The following BMPER variants were observed in gnomAD, a reference collection of about 807,000 sequenced individuals.
BMPER encodes BMP binding endothelial regulator.
Under a neutral mutation model 87.3 loss-of-function variants are expected in BMPER, and 45 were observed. The ratio of observed to expected loss-of-function variants is 0.52; its 90% CI spans 0.41 to 0.66. The LOEUF (loss-of-function observed/expected upper bound fraction) is 0.66. Among genes scored for constraint, BMPER ranks in the 30% least tolerant of loss-of-function variants. The pLI is 0.00. For synonymous variants in BMPER, 326 were observed against 316.2 expected, an observed-to-expected ratio of 1.03 and a Z score of -0.33; for missense variants, 784 against 867.5, an observed-to-expected ratio of 0.90 and a Z score of 1.21.
chr7:34,047,946 A>C (rs566254060), intron 7 of BMPER, among the ~76,000 whole-genome samples: 106 of 151,650 alleles, frequency 7.0e-4, no homozygotes, highest in Non-Finnish European at 3.2e-4. Flanking sequence ...AATAAGAGTG[A>C]TTATTTTACA....
intron 12 of BMPER, 40 bp downstream of exon 12, chr7:34,079,226 C>T (rs761010222): frequency 1.9e-6 from 3 of 1,609,858 alleles, no homozygotes; most frequent in Non-Finnish European, 1.7e-6. Flanking sequence ...TAGCCTCCGC[C>T]TCACTTACCC....
chr7:34,137,399 A>C (rs1790746525), intron 13 of BMPER, among the ~76,000 whole-genome samples: 1 of 152,236 alleles, frequency 6.6e-6, no homozygotes. Context: ...CAGCTGTCCA[A>C]TCCTGTGGAA....
At chr7:34,048,395 A>C (rs80145992) in intron 7 of BMPER, among the ~76,000 whole-genome samples, 15,457 of 152,200 alleles carry the variant, frequency 0.1, 865 homozygotes, top group African/African-American at 0.15. Context: ...GTGAAACAGA[A>C]GAACAAAGCA....
At chr7:34,006,356 G>C (rs1786734192) in intron 6 of BMPER, among the ~76,000 whole-genome samples, 1 of 151,948 alleles carries the variant, frequency 6.6e-6, no homozygotes, top group Admixed American at 6.6e-5. Flanking sequence ...TTAAGGACTA[G>C]GTTTTACTGT....
chr7:34,040,633 C>T (rs1421561916), intron 6 of BMPER, among the ~76,000 whole-genome samples: 1 of 152,046 alleles, frequency 6.6e-6, no homozygotes, highest in African/African-American at 2.4e-5. Context: ...GGAAATGGCC[C>T]ATTATTATTT....
rs1375197716 is a variant in BMPER, at chr7:34,035,531, T to C, written c.577-10775T>C. 2.0e-5 allele frequency among the ~76,000 whole-genome samples: 3 copies of C among 152,222 alleles called. No homozygotes were observed. The East Asian group carries it at 5.8e-4, about 29-fold the overall frequency. On this transcript the variant is annotated intron_variant, in intron 6 of 14. Coordinates refer to ENST00000649409, the MANE Select transcript of BMPER (RefSeq NM_001365308.1). ...AGACTTCTAAGTATAATTTTGTCAA[T>C]ACAGTGAGAGAGATTCAGGTATATC...
chr7:34,130,164 G>A (rs1790544984), intron 13 of BMPER, among the ~76,000 whole-genome samples: 1 of 145,984 alleles, frequency 6.9e-6, no homozygotes, highest in Non-Finnish European at 1.5e-5. Flanking sequence ...GATGCAAAAT[G>A]TGTTCAAGTC....
chr7:34,021,130 AT>A (rs767711926), intron 6 of BMPER, among the ~76,000 whole-genome samples: 1 of 151,984 alleles, frequency 6.6e-6, no homozygotes, highest in Non-Finnish European at 1.5e-5. Context: ...CGAGAAGAGC[AT>A]TTTTTTAAGT....
intron 7 of BMPER, among the ~76,000 whole-genome samples, chr7:34,048,320 CACACACACAAACACACATACACCTGCT>C (rs1278499304): frequency 1.3e-5 from 2 of 152,136 alleles, no homozygotes; most frequent in South Asian, 2.1e-4. Context: ...CTTCCTGCTA[CACACACACAAACACACATACACCTGCT>C]ACACACACGT....
intron 6 of BMPER, among the ~76,000 whole-genome samples, chr7:34,045,491 G>A (rs1176462496): frequency 2.0e-5 from 3 of 152,146 alleles, no homozygotes; most frequent in Non-Finnish European, 2.9e-5. Context: ...TGGAGGTATG[G>A]AGTGCTGGAG....
intron 3 of BMPER, among the ~76,000 whole-genome samples, chr7:33,951,530 T>G (rs1222732240): frequency 6.6e-6 from 1 of 152,182 alleles, no homozygotes; most frequent in Non-Finnish European, 1.5e-5. Flanking sequence ...GCTGTACAAT[T>G]AAGTATCTTT....
At chr7:34,106,879 T>C (rs1361396238) in intron 13 of BMPER, among the ~76,000 whole-genome samples, 1 of 152,238 alleles carries the variant, frequency 6.6e-6, no homozygotes, top group African/African-American at 2.4e-5. Context: ...TAGAATATTC[T>C]TTTTTACCTT....
At chr7:33,912,918 C>A (rs1050064700) in intron 2 of BMPER, among the ~76,000 whole-genome samples, 10 of 152,180 alleles carry the variant, frequency 6.6e-5, no homozygotes, top group African/African-American at 2.4e-4. Context: ...ACTTCATCCC[C>A]TCTTCCATTT....
chr7:34,119,953 G>A (rs1293250598), intron 13 of BMPER, among the ~76,000 whole-genome samples: 7 of 151,908 alleles, frequency 4.6e-5, no homozygotes, highest in Admixed American at 3.9e-4. Context: ...AAAATTAAAG[G>A]TAAAAAAGTG....
At chr7:34,123,344 A>T (rs1280377153) in intron 13 of BMPER, among the ~76,000 whole-genome samples, 1 of 152,194 alleles carries the variant, frequency 6.6e-6, no homozygotes, top group Non-Finnish European at 1.5e-5. Context: ...AGCTGTGTTC[A>T]ATTGGAGTAA....
At chr7:33,935,357 A>G (rs1784577303) in intron 2 of BMPER, among the ~76,000 whole-genome samples, 1 of 152,216 alleles carries the variant, frequency 6.6e-6, no homozygotes, top group Admixed American at 6.5e-5. Flanking sequence ...ACCCTAGCTG[A>G]ACATTGGAAT....
chr7:34,129,577 G>GAGAGAGA (rs1195963861), intron 13 of BMPER, among the ~76,000 whole-genome samples: 7 of 47,756 alleles, frequency 1.5e-4, no homozygotes, highest in African/African-American at 5.3e-4. Context: ...AAGGAAGGAA[G>GAGAGAGA]GAGAGAGAGA....
chr7:34,087,402 A>C lies in BMPER; in HGVS notation c.1745+1310A>C, dbSNP rs138446825. 1.2e-3 allele frequency among the ~76,000 whole-genome samples: 179 copies of C among 152,330 alleles called. 1 individual carries two copies. The highest frequency in any genetic ancestry group is 3.5e-3 in the African/African-American group (146 of 41,572). The stretch of plus-strand genomic sequence containing the variant: ...CTAAAAACCCTCACTTGAAGGTCTG[A>C]TGGAAAGCAGTAGAATATAGCAATT... On this transcript the variant is annotated intron_variant, in intron 13 of 14. Coordinates refer to ENST00000649409, the MANE Select transcript of BMPER (RefSeq NM_001365308.1).
intron 3 of BMPER, among the ~76,000 whole-genome samples, chr7:33,955,512 C>T (rs1785128257): frequency 6.6e-6 from 1 of 151,928 alleles, no homozygotes; most frequent in Non-Finnish European, 1.5e-5. Flanking sequence ...TTTCACAGGC[C>T]CCCTAGGAAT....
Sources: allele counts gnomAD v4.1 joint callset (sites outside exome capture counted in the v4.1 genomes callset), GRCh38; gene constraint gnomAD v4.1.1; transcripts MANE v1.5; gene names NCBI Gene and HGNC (gene_info 2026-07-23, HGNC 2026-07-21).